P2RX3: variants seen among roughly 807,000 people sequenced by gnomAD.
P2RX3 encodes the protein P2X purinoceptor 3.
A neutral mutation model predicts 51.5 loss-of-function variants in P2RX3; 41 were observed. That is an observed-to-expected ratio of 0.80 (90% CI 0.62 to 1.03). The LOEUF is 1.03. P2RX3 is among the 50% of genes least tolerant of loss of function. The pLI is 0.00. For missense variants in P2RX3, 459 were observed against 522.1 expected, an observed-to-expected ratio of 0.88 and a Z score of 1.18; for synonymous variants, 185 against 191.6, an observed-to-expected ratio of 0.97 and a Z score of 0.29.
intron 8 of P2RX3, among the ~76,000 whole-genome samples, chr11:57,360,795 CAAAAAAAAAAAG>C (rs1856704464): frequency 8.8e-6 from 1 of 113,776 alleles, no homozygotes; most frequent in African/African-American, 3.4e-5. Context: ...GACTCTGTCT[CAAAAAAAAAAAG>C]AAAAAAAGAA....
intron 7 of P2RX3, 21 bp from the exon 8 acceptor site, chr11:57,350,741 A>T (rs763992999): frequency 1.2e-6 from 2 of 1,611,634 alleles, no homozygotes; most frequent in Admixed American, 3.3e-5. Flanking sequence ...GGGAAAGCTC[A>T]TACCCGGCCC....
chr11:57,348,252 C>T lies in P2RX3; in HGVS notation c.474C>T (p.Asp158=). 6.2e-7 allele frequency: 1 copy of T among 1,602,856 alleles called. No individual in the cohort carries two copies. Among genetic ancestry groups the T allele is most frequent in the Non-Finnish European group, 8.5e-7 (1 of 1,175,192 alleles). ...AGGGCTGGTGCCCCACGGAGGTGGA[C>T]ACAGTGGAAACGTAAGGCTCCAAGC... is the stretch of plus-strand genomic sequence containing the variant. ...EIQGWCPTEV[D]TVETPIMMEA... The change falls in exon 5 of 12, where the codon GAC becomes GAT. Residue 158 remains aspartate (D), a synonymous_variant. Transcript: ENST00000263314.
At chr11:57,344,572 G>T (rs998505931) in intron 1 of P2RX3, among the ~76,000 whole-genome samples, 1 of 152,108 alleles carries the variant, frequency 6.6e-6, no homozygotes, top group African/African-American at 2.4e-5. Context: ...GGTTGTGCAT[G>T]CCTGTAGTCC....
At chr11:57,362,923 A>G (rs750174875) in intron 8 of P2RX3, among the ~76,000 whole-genome samples, 3 of 152,158 alleles carry the variant, frequency 2.0e-5, no homozygotes, top group Non-Finnish European at 4.4e-5. Flanking sequence ...GAGCCAGGAG[A>G]GTGTAATGAT....
chr11:57,351,004 C>T lies in P2RX3; in HGVS notation c.842+106C>T, dbSNP rs904917005. On this transcript the variant is annotated intron_variant, in intron 8 of 11. Transcript: ENST00000263314. The stretch of plus-strand genomic sequence containing the variant: ...ACATCCATCCACCCACCCCTGGCCC[C>T]AAGTCCCACCTCAGGTTTCATTTCA... 17 of 1,487,188 alleles carry T rather than the reference C, an allele frequency of 1.1e-5. No individual in the cohort carries two copies. In the African/African-American group the frequency reaches 2.1e-4, roughly 18 times the overall value. 92.1% of individuals were successfully genotyped at this position (1,487,188 alleles called of 1,614,324 possible).
In P2RX3 at chr11:57,338,541, C is replaced by T. The variant is rs1279697830; in HGVS notation, c.-10C>T. ...CCCCCTTCTGAGTGTCCCCTGAGCA[C>T]TCTCTCAGCATGAACTGCATATCCG... On this transcript the variant is annotated 5_prime_UTR_variant, in exon 1 of 12. Coordinates refer to ENST00000263314, the MANE Select transcript of P2RX3 (RefSeq NM_002559.5). 1.9e-6 allele frequency: 3 copies of T among 1,573,342 alleles called. No homozygotes were observed. Among genetic ancestry groups the T allele is most frequent in the Non-Finnish European group, 2.6e-6 (3 of 1,147,272 alleles).
intron 4 of P2RX3, among the ~76,000 whole-genome samples, chr11:57,347,689 C>G (rs1385129082): frequency 6.6e-6 from 1 of 152,136 alleles, no homozygotes; most frequent in African/African-American, 2.4e-5. Flanking sequence ...ATGGTGGTGA[C>G]AGACAGGGGT....
At chr11:57,355,627 T>C (rs1856617989) in intron 8 of P2RX3, among the ~76,000 whole-genome samples, 1 of 152,206 alleles carries the variant, frequency 6.6e-6, no homozygotes, top group Non-Finnish European at 1.5e-5. Context: ...ACGCGTGAGC[T>C]ACCACGCCTA....
rs1295751027 is a variant in P2RX3, at chr11:57,346,595, G to GTCC, written c.174_176dup (p.Ser59dup). On this transcript the variant is annotated inframe_insertion, in exon 2 of 12. Transcript: ENST00000263314. ...ACCAGGTACGGGACACAGCCATTGA[G>GTCC]TCCTCGGTGGTAACCAAGGTGAAGG... The GTCC allele has an allele frequency of 6.2e-7, 1 of 1,614,090 alleles. No homozygotes were observed. The highest frequency in any genetic ancestry group is 2.2e-5 in the East Asian group (1 of 44,896).
In P2RX3 at chr11:57,350,910, T is replaced by C. The variant is rs1856536155; in HGVS notation, c.842+12T>C. The C allele has an allele frequency of 6.2e-7, 1 of 1,613,818 alleles. No individual in the cohort carries two copies. Among genetic ancestry groups the C allele is most frequent in the Non-Finnish European group, 8.5e-7 (1 of 1,179,966 alleles). ...GGCTACAACTTCAGGTAATTCCCTG[T>C]CTCCTGGGACACCAGGAGAAGAAGG... On this transcript the variant is annotated intron_variant, in intron 8 of 11. Coordinates refer to ENST00000263314, the MANE Select transcript of P2RX3 (RefSeq NM_002559.5).
chr11:57,338,157 T>A (rs1457127070), upstream of P2RX3, among the ~76,000 whole-genome samples: 1 of 152,166 alleles, frequency 6.6e-6, no homozygotes, highest in Non-Finnish European at 1.5e-5. Context: ...GCTGGTGAGC[T>A]GGGATGAGGA....
upstream of P2RX3, among the ~76,000 whole-genome samples, chr11:57,336,595 G>A (rs1856226381): frequency 6.6e-6 from 1 of 152,182 alleles, no homozygotes; most frequent in Non-Finnish European, 1.5e-5. Context: ...GGAAAACTGA[G>A]ACCCAAAGGG....
intron 8 of P2RX3, among the ~76,000 whole-genome samples, chr11:57,357,367 A>G (rs750072019): frequency 1.2e-4 from 18 of 152,294 alleles, no homozygotes; most frequent in Non-Finnish European, 2.4e-4. Context: ...AGAACTGGAT[A>G]CCTGAGCTCA....
intron 8 of P2RX3, among the ~76,000 whole-genome samples, chr11:57,356,375 G>GA (rs2134432829): frequency 6.6e-6 from 1 of 152,338 alleles, no homozygotes; most frequent in Admixed American, 6.5e-5. Flanking sequence ...ATTTCAAAAT[G>GA]CCTGATTTCT....
rs548084325 is a variant in P2RX3, at chr11:57,347,259, G to C, written c.327+72G>C. 5.2e-6 allele frequency: 8 copies of C among 1,548,988 alleles called. No individual in the cohort carries two copies. The African/African-American group carries it at 1.1e-4, about 21-fold the overall frequency. ...GTTGGTGGGAGTGGGAGCAGTGGCA[G>C]GGAGGTATGAGCAGAGGCCCCAAGT... On this transcript the variant is annotated intron_variant, in intron 3 of 11. Coordinates refer to ENST00000263314, the MANE Select transcript of P2RX3 (RefSeq NM_002559.5).
intron 8 of P2RX3, among the ~76,000 whole-genome samples, chr11:57,352,730 C>T (rs1856566988): frequency 6.6e-6 from 1 of 152,132 alleles, no homozygotes. Context: ...CACCTGAGCA[C>T]AGAAGGATGC....
At chr11:57,364,458 T>A (rs954898817) in intron 8 of P2RX3, among the ~76,000 whole-genome samples, 7 of 152,192 alleles carry the variant, frequency 4.6e-5, no homozygotes, top group Non-Finnish European at 1.0e-4. Context: ...CAGTATAGTC[T>A]TCATGAGATT....
chr11:57,342,898 G>A (rs1166210711), intron 1 of P2RX3, among the ~76,000 whole-genome samples: 4 of 152,160 alleles, frequency 2.6e-5, no homozygotes, highest in Non-Finnish European at 4.4e-5. Flanking sequence ...GCGGATGGGA[G>A]GGTGCTGGGG....
intron 7 of P2RX3, 128 bp from the exon 8 acceptor site, chr11:57,350,634 C>T: frequency 7.6e-7 from 1 of 1,316,256 alleles, no homozygotes. Flanking sequence ...TCCGTTCTCC[C>T]TGCCTCCGTC....
Sources: gnomAD v4.1 joint callset for allele counts (sites outside exome capture counted in the v4.1 genomes callset) on GRCh38, gnomAD v4.1.1 for gene constraint, MANE v1.5 for transcripts, NCBI Gene and HGNC (gene_info 2026-07-23, HGNC 2026-07-21) for gene names.